The following GPR158 variants were observed in gnomAD, a reference collection of about 807,000 sequenced individuals.
GPR158 encodes G protein-coupled receptor 158, also known as metabotropic glycine receptor.
Under a neutral mutation model 78.2 loss-of-function variants are expected in GPR158, and 30 were observed. The observed-to-expected ratio is 0.38, with a 90% CI of 0.29 to 0.52. The LOEUF (loss-of-function observed/expected upper bound fraction) is 0.52. Among genes scored for constraint, GPR158 ranks in the 20% least tolerant of loss-of-function variants. GPR158 has a pLI of 0.83. For missense variants in GPR158, 1,463 were observed against 1,523.5 expected (o/e 0.96, Z 0.66); for synonymous variants, 581 against 591.1 (o/e 0.98, Z 0.25).
At chr10:25,370,256 T>C (rs1391977418) in intron 2 of GPR158, among the ~76,000 whole-genome samples, 39 of 147,490 alleles carry the variant, frequency 2.6e-4, no homozygotes, top group African/African-American at 9.6e-4. Context: ...TTAATTGTGA[T>C]GTTAGGGTGT....
Position 25,255,198 on chromosome 10 carries a change from A to G in GPR158, c.1008+34041A>G, listed in dbSNP as rs77710070. Among the ~76,000 whole-genome samples, 247 of 152,330 alleles carry G rather than the reference A, an allele frequency of 1.6e-3. 1 individual carries two copies. Among genetic ancestry groups the G allele is most frequent in the African/African-American group, 5.6e-3 (234 of 41,586 alleles). On this transcript the variant is annotated intron_variant, in intron 2 of 10. Transcript: ENST00000376351. ...CTGCCCCAAATAGAAAACCTTGACA[A>G]TTATAGCTGAATTTTGTTATTCTGT...
At chr10:25,559,709 TAG>T (rs1040371772) in intron 6 of GPR158, among the ~76,000 whole-genome samples, 12 of 152,226 alleles carry the variant, frequency 7.9e-5, no homozygotes, top group Non-Finnish European at 1.8e-4. Context: ...GAAAAAATAC[TAG>T]AGAGTAAAAA....
At chr10:25,226,476 A>G (rs552508714) in intron 2 of GPR158, among the ~76,000 whole-genome samples, 47 of 152,350 alleles carry the variant, frequency 3.1e-4, no homozygotes, top group African/African-American at 9.9e-4. Flanking sequence ...GGCTTATGCA[A>G]TCTTCTTATG....
intron 4 of GPR158, among the ~76,000 whole-genome samples, chr10:25,422,207 A>G (rs1007182522): frequency 1.3e-5 from 2 of 152,086 alleles, no homozygotes; most frequent in Non-Finnish European, 2.9e-5. Flanking sequence ...TTTATTTATC[A>G]TCTAGAATTG....
intron 2 of GPR158, among the ~76,000 whole-genome samples, chr10:25,269,672 G>A (rs546695601): frequency 6.6e-6 from 1 of 152,248 alleles, no homozygotes; most frequent in African/African-American, 2.4e-5. Flanking sequence ...CTTTATATGA[G>A]TTAAACCATT....
chr10:25,385,875 G>T (rs1347749637), intron 2 of GPR158, among the ~76,000 whole-genome samples: 1 of 152,096 alleles, frequency 6.6e-6, no homozygotes, highest in Non-Finnish European at 1.5e-5. Flanking sequence ...CAGATACATG[G>T]TTTGCAAATG....
chr10:25,201,652 T>A (rs1210180989), intron 1 of GPR158, among the ~76,000 whole-genome samples: 2 of 152,190 alleles, frequency 1.3e-5, no homozygotes, highest in Non-Finnish European at 2.9e-5. Context: ...TGAGGTATGT[T>A]CCTTCAATGC....
intron 2 of GPR158, among the ~76,000 whole-genome samples, chr10:25,246,240 C>T (rs1333220578): frequency 6.6e-6 from 1 of 152,166 alleles, no homozygotes; most frequent in Non-Finnish European, 1.5e-5. Context: ...TTGATAGTCA[C>T]TGTAGAATAC....
At chr10:25,210,861 C>T (rs766344643) in intron 1 of GPR158, among the ~76,000 whole-genome samples, 3 of 151,990 alleles carry the variant, frequency 2.0e-5, no homozygotes, top group Admixed American at 6.6e-5. Context: ...TGGCTGGGTG[C>T]GGTGGCTCAC....
chr10:25,195,392 G>C (rs1034695937), intron 1 of GPR158, among the ~76,000 whole-genome samples: 1 of 151,986 alleles, frequency 6.6e-6, no homozygotes, highest in African/African-American at 2.4e-5. Context: ...TTTTTGTAGA[G>C]TCGGGGTTTC....
chr10:25,580,652 A>C (rs1187642666), intron 7 of GPR158, among the ~76,000 whole-genome samples: 5 of 152,174 alleles, frequency 3.3e-5, no homozygotes, highest in Admixed American at 3.3e-4. Context: ...CATTACATAC[A>C]TTTTCTTTTA....
intron 1 of GPR158, among the ~76,000 whole-genome samples, chr10:25,195,598 G>A (rs764968830): frequency 2.6e-5 from 4 of 152,062 alleles, no homozygotes; most frequent in Non-Finnish European, 4.4e-5. Flanking sequence ...TGTATAAGTC[G>A]CTTTAGGTCT....
chr10:25,193,206 TAAAC>T (rs1852797444), intron 1 of GPR158, among the ~76,000 whole-genome samples: 1 of 151,802 alleles, frequency 6.6e-6, no homozygotes, highest in South Asian at 2.1e-4. Flanking sequence ...AAATGCATAA[TAAAC>T]AGGCAAAATA....
chr10:25,471,905 T>A (rs1046251789), intron 5 of GPR158, among the ~76,000 whole-genome samples: 3 of 152,218 alleles, frequency 2.0e-5, no homozygotes, highest in South Asian at 2.1e-4. Context: ...TCTCCCATTT[T>A]GTAGGTTGCC....
At chr10:25,283,033 G>T (rs1177246077) in intron 2 of GPR158, among the ~76,000 whole-genome samples, 1 of 151,978 alleles carries the variant, frequency 6.6e-6, no homozygotes, top group East Asian at 1.9e-4. Flanking sequence ...AAATGACTGG[G>T]GAAGTGTTTT....
At chr10:25,210,616 A>G (rs193193674) in intron 1 of GPR158, among the ~76,000 whole-genome samples, 144 of 152,220 alleles carry the variant, frequency 9.5e-4, no homozygotes, top group South Asian at 1.9e-3. Context: ...CTGATTACCA[A>G]TGTGCTCAAG....
At position 25,271,885 on chromosome 10, in the gene GPR158, C is replaced by A. The variant is rs1854123151; in HGVS notation, c.1008+50728C>A. Among the ~76,000 whole-genome samples the A allele has an allele frequency of 3.9e-5, 6 of 152,054 alleles. No homozygotes were observed. The South Asian group carries it at 1.2e-3, about 32-fold the overall frequency. On this transcript the variant is annotated intron_variant, in intron 2 of 10. Transcript: ENST00000376351. ...GAACTCTTGACCTCAGGTGATCTGC[C>A]CACCTCGGCTTCCAAAAGTGCTGGG...
intron 2 of GPR158, among the ~76,000 whole-genome samples, chr10:25,354,748 AT>A (rs1174759414): frequency 5.3e-5 from 8 of 152,052 alleles, no homozygotes; most frequent in African/African-American, 1.4e-4. Context: ...GACAGTTCTC[AT>A]GGTGGTGAAT....
chr10:25,431,757 G>A (rs1444016721), intron 4 of GPR158, among the ~76,000 whole-genome samples: 1 of 151,896 alleles, frequency 6.6e-6, no homozygotes, highest in Non-Finnish European at 1.5e-5. Context: ...ACTATCGCAA[G>A]AACAAAAAAC....
Sources: allele counts gnomAD v4.1 joint callset (sites outside exome capture counted in the v4.1 genomes callset), GRCh38; gene constraint gnomAD v4.1.1; transcripts MANE v1.5; gene names NCBI Gene and HGNC (gene_info 2026-07-23, HGNC 2026-07-21).